The following RFX3 variants were observed in gnomAD, a reference collection of about 807,000 sequenced individuals.
RFX3 encodes the protein regulatory factor X3, also known as transcription factor RFX3.
Under a neutral mutation model 98.6 loss-of-function variants are expected in RFX3, and 14 were observed. The observed-to-expected ratio is 0.14, with a 90% confidence interval of 0.09 to 0.22. RFX3 has a LOEUF of 0.22. RFX3 is among the 10% of genes least tolerant of loss of function. The pLI is 1.00. For synonymous variants in RFX3, 383 were observed against 328.4 expected, an observed-to-expected ratio of 1.17 and a Z score of -1.80; for missense variants, 639 against 926.9, an observed-to-expected ratio of 0.69 and a Z score of 4.03.
At chr9:3,236,008 CT>C (rs1003940588) in intron 15 of RFX3, among the ~76,000 whole-genome samples, 5 of 151,428 alleles carry the variant, frequency 3.3e-5, no homozygotes, top group African/African-American at 4.8e-5. Flanking sequence ...AACCATATGA[CT>C]TTTTTTTTCT....
chr9:3,323,260 G>A lies in RFX3; in HGVS notation c.474+6999C>T, dbSNP rs140084295. ...GAACTGACAATTGGTCATAGGCACT[G>A]TGTCGTATTTTTCCCCTTTAAATTA... On this transcript the variant is annotated intron_variant, in intron 4 of 16. Transcript: ENST00000617270. 7.5e-3 allele frequency among the ~76,000 whole-genome samples: 1,140 copies of A among 152,266 alleles called. 21 individuals carry two copies. Among genetic ancestry groups the A allele is most frequent in the Admixed American group, 0.028 (421 of 15,288 alleles).
In RFX3 at chr9:3,424,348, CTTTTTTTTTTTT is replaced by C. The variant is rs748693786; in HGVS notation, c.-8-28764_-8-28753del. Among the ~76,000 whole-genome samples the C allele has an allele frequency of 6.8e-4, 52 of 76,002 alleles. 1 individual carries two copies. In the South Asian group the frequency reaches 0.012, roughly 18 times the overall value. 49.9% of individuals were successfully genotyped at this position (76,002 alleles called of 152,430 possible). A position where few individuals can be genotyped will look rare whatever the true frequency, so the allele number is the denominator to read the frequency against. On this transcript the variant is annotated intron_variant, in intron 1 of 16. Transcript: ENST00000617270. ...AGAGTCACTGTAATTACATAATTGA[CTTTTTTTTTTTT>C]TTTTTTTTTTTTTTTTTTTGAGACG...
chr9:3,421,742 A>G (rs975194656), intron 1 of RFX3, among the ~76,000 whole-genome samples: 12 of 152,318 alleles, frequency 7.9e-5, no homozygotes, highest in African/African-American at 2.9e-4. Flanking sequence ...CACATATGGA[A>G]AGTAAGCCCT....
chr9:3,316,834 G>T (rs979927114), intron 4 of RFX3, among the ~76,000 whole-genome samples: 1 of 152,108 alleles, frequency 6.6e-6, no homozygotes, highest in African/African-American at 2.4e-5. Flanking sequence ...CCTCTTCAAG[G>T]AGAACTACAA....
At chr9:3,455,305 G>C (rs1188727733) in intron 1 of RFX3, among the ~76,000 whole-genome samples, 1 of 152,028 alleles carries the variant, frequency 6.6e-6, no homozygotes, top group Non-Finnish European at 1.5e-5. Context: ...ACTCACCCTA[G>C]ATCCCTCTCC....
chr9:3,339,789 G>T (rs1002031197), intron 3 of RFX3, among the ~76,000 whole-genome samples: 2 of 152,022 alleles, frequency 1.3e-5, no homozygotes, highest in Non-Finnish European at 2.9e-5. Context: ...CATGCTCATG[G>T]GTAGGAAGAA....
chr9:3,225,867 T>C (rs992776919), intron 16 of RFX3, among the ~76,000 whole-genome samples: 19 of 152,182 alleles, frequency 1.2e-4, no homozygotes, highest in African/African-American at 4.3e-4. Context: ...TTATTAAGGT[T>C]GAGGCAGTAG....
chr9:3,316,916 T>A (rs897666073), intron 4 of RFX3, among the ~76,000 whole-genome samples: 1 of 152,148 alleles, frequency 6.6e-6, no homozygotes, highest in South Asian at 2.1e-4. Flanking sequence ...ATAGGAAGAA[T>A]CAATATCGTG....
intron 1 of RFX3, 146 bp from the exon 2 acceptor site, chr9:3,395,742 A>C (rs1408466755): frequency 1.6e-5 from 12 of 770,480 alleles, no homozygotes; most frequent in Non-Finnish European, 2.4e-5. Context: ...CAGTCCGTGC[A>C]TGTGTATGGT....
At chr9:3,465,762 A>G (rs868318341) in intron 1 of RFX3, among the ~76,000 whole-genome samples, 2 of 152,266 alleles carry the variant, frequency 1.3e-5, no homozygotes, top group Middle Eastern at 6.8e-3. Flanking sequence ...AAGATACTAT[A>G]TATCTCAAAA....
intron 1 of RFX3, among the ~76,000 whole-genome samples, chr9:3,512,630 C>G (rs1041288126): frequency 2.0e-5 from 3 of 151,804 alleles, no homozygotes; most frequent in Non-Finnish European, 4.4e-5. Context: ...ATAGTCAAAC[C>G]TCATACAATA....
intron 14 of RFX3, among the ~76,000 whole-genome samples, chr9:3,255,325 C>T (rs978381242): frequency 9.2e-5 from 14 of 152,182 alleles, no homozygotes; most frequent in Admixed American, 4.6e-4. Flanking sequence ...TTCACAAGTA[C>T]TATTAGTTCC....
At chr9:3,504,097 ATCTT>A (rs1272643064) in intron 1 of RFX3, among the ~76,000 whole-genome samples, 2 of 141,514 alleles carry the variant, frequency 1.4e-5, no homozygotes, top group Admixed American at 7.2e-5. Flanking sequence ...TGATCAATAC[ATCTT>A]TCTCTCTCTC....
At chr9:3,431,838 A>C (rs996262240) in intron 1 of RFX3, among the ~76,000 whole-genome samples, 7 of 152,192 alleles carry the variant, frequency 4.6e-5, no homozygotes, top group African/African-American at 1.7e-4. Flanking sequence ...GAGAAAGCAT[A>C]TCTCTTATGA....
At chr9:3,344,597 T>C (rs908518947) in intron 3 of RFX3, 3 of 507,664 alleles carry the variant, frequency 5.9e-6, no homozygotes, top group Non-Finnish European at 1.1e-5. Flanking sequence ...TCAATACCCA[T>C]TTCAACTGCC....
chr9:3,446,233 G>T (rs769093757), intron 1 of RFX3, among the ~76,000 whole-genome samples: 26 of 152,180 alleles, frequency 1.7e-4, no homozygotes, highest in Admixed American at 3.9e-4. Flanking sequence ...CTTGCATAGG[G>T]CAGAGGTATA....
At chr9:3,455,693 T>C (rs1218745086) in intron 1 of RFX3, among the ~76,000 whole-genome samples, 2 of 152,228 alleles carry the variant, frequency 1.3e-5, no homozygotes, top group Non-Finnish European at 2.9e-5. Context: ...AAAGTTATTA[T>C]TCTAATAATT....
chr9:3,346,418 A>G (rs997678538), intron 3 of RFX3, among the ~76,000 whole-genome samples: 1 of 152,216 alleles, frequency 6.6e-6, no homozygotes, highest in African/African-American at 2.4e-5. Context: ...CTACATAGGA[A>G]GAACTATTAA....
At chr9:3,457,063 C>T (rs1847237261) in intron 1 of RFX3, among the ~76,000 whole-genome samples, 1 of 147,930 alleles carries the variant, frequency 6.8e-6, no homozygotes, top group Non-Finnish European at 1.5e-5. Flanking sequence ...ATAGCTTGAA[C>T]CCGGGAGGCA....
Sources: gnomAD v4.1 joint callset for allele counts (sites outside exome capture counted in the v4.1 genomes callset) on GRCh38, gnomAD v4.1.1 for gene constraint, MANE v1.5 for transcripts, NCBI Gene and HGNC (gene_info 2026-07-23, HGNC 2026-07-21) for gene names.